TRAPPC9: variants seen among roughly 807,000 people sequenced by gnomAD.
TRAPPC9 encodes the protein IKK2 binding protein.
A neutral mutation model predicts 124.0 loss-of-function variants in TRAPPC9; 83 were observed. That is an observed-to-expected ratio of 0.67 (90% CI 0.56 to 0.80). The LOEUF is 0.80. Ranked by LOEUF, TRAPPC9 falls within the 30% of genes least tolerant of loss-of-function variation. TRAPPC9 has a pLI of 0.00. For missense variants in TRAPPC9, 1,302 were observed against 1,508.3 expected (o/e 0.86, Z 2.27); for synonymous variants, 638 against 617.5 (o/e 1.03, Z -0.49).
chr8:140,198,852 C>A (rs2062722194), intron 17 of TRAPPC9, among the ~76,000 whole-genome samples: 1 of 152,184 alleles, frequency 6.6e-6, no homozygotes. Context: ...AGAAGTTGGC[C>A]TAGCACCAAG....
In TRAPPC9 at chr8:140,063,752, G is replaced by A. The variant is rs367760485; in HGVS notation, c.2557-39673C>T. Among the ~76,000 whole-genome samples the A allele has an allele frequency of 5.9e-5, 9 of 152,258 alleles. No individual in the cohort carries two copies. Among genetic ancestry groups the A allele is most frequent in the East Asian group, 3.9e-4 (2 of 5,182 alleles). On this transcript the variant is annotated intron_variant, in intron 17 of 22. Transcript: ENST00000438773. This position sits in a 1 kb window ranked among gnomAD's most constrained non-coding sequence, Gnocchi z 4.3. Reference sequence around the variant, plus strand: ...AATTGCTCTGTGTTTCCTTAAGAGCGGGACTTGCGGGCGGGGTATGCATCA... The same window carrying A: ...AATTGCTCTGTGTTTCCTTAAGAGCAGGACTTGCGGGCGGGGTATGCATCA...
chr8:140,360,019 A>G (rs746729341), intron 9 of TRAPPC9, 31 bp downstream of exon 9: 2 of 1,612,528 alleles, frequency 1.2e-6, no homozygotes, highest in Non-Finnish European at 1.7e-6. Flanking sequence ...CAGTTCCTTG[A>G]AAAAAAACAT....
At chr8:140,393,961 C>A (rs1020389781) in intron 7 of TRAPPC9, among the ~76,000 whole-genome samples, 1 of 152,216 alleles carries the variant, frequency 6.6e-6, no homozygotes, top group Admixed American at 6.5e-5. Context: ...ACTGTCCCCG[C>A]CCGCCCAGCA....
chr8:140,408,364 G>A (rs2069572441), intron 5 of TRAPPC9, among the ~76,000 whole-genome samples: 1 of 152,156 alleles, frequency 6.6e-6, no homozygotes, highest in Non-Finnish European at 1.5e-5. Context: ...TCACTAAAGA[G>A]ATAGGTACTG....
chr8:140,379,611 G>A (rs1054206283), intron 7 of TRAPPC9, among the ~76,000 whole-genome samples: 1 of 152,084 alleles, frequency 6.6e-6, no homozygotes, highest in Non-Finnish European at 1.5e-5. Flanking sequence ...CCCATATATT[G>A]TTTGCCTTAT....
rs114829067 is a variant in TRAPPC9 at position 139,775,652 on chromosome 8, C to A, written c.3056-43450G>T. ...CCCCCATAGATATGGCCTGGCCTCA[C>A]CAGGTGTGAGCCCAGAGCCCAGGCT... On this transcript the variant is annotated intron_variant, in intron 21 of 22. Transcript: ENST00000438773. 9.9e-3 allele frequency among the ~76,000 whole-genome samples: 1,504 copies of A among 152,318 alleles called. 23 individuals are homozygous for A. The highest frequency in any genetic ancestry group is 0.034 in the African/African-American group (1,416 of 41,568).
intron 3 of TRAPPC9, among the ~76,000 whole-genome samples, chr8:140,435,605 C>T (rs1025387277): frequency 2.0e-5 from 3 of 152,198 alleles, no homozygotes; most frequent in Middle Eastern, 3.2e-3. Flanking sequence ...TGGCAGACTG[C>T]GCCAGGTTCT....
At chr8:139,808,324 G>A (rs967394241) in intron 21 of TRAPPC9, among the ~76,000 whole-genome samples, 1 of 152,164 alleles carries the variant, frequency 6.6e-6, no homozygotes. Flanking sequence ...AGCCGGGCGT[G>A]GTGGTGCACA....
intron 18 of TRAPPC9, among the ~76,000 whole-genome samples, chr8:140,022,286 C>A (rs774029014): frequency 1.3e-5 from 2 of 152,106 alleles, no homozygotes; most frequent in Non-Finnish European, 2.9e-5. Flanking sequence ...ACCACTTAGA[C>A]TTAGGAATAA....
chr8:140,102,677 CAGA>C (rs1423992766), intron 17 of TRAPPC9, among the ~76,000 whole-genome samples: 2 of 152,192 alleles, frequency 1.3e-5, no homozygotes, highest in African/African-American at 4.8e-5. Flanking sequence ...GAAGGGAAGA[CAGA>C]AGGAGAAGAG....
rs1408497750 is a variant in TRAPPC9, at chr8:140,241,918, G to A, written c.2431+10859C>T. Among the ~76,000 whole-genome samples, 3 of 152,126 alleles carry A rather than the reference G, an allele frequency of 2.0e-5. No individual in the cohort carries two copies. Among genetic ancestry groups the A allele is most frequent in the South Asian group, 4.1e-4 (2 of 4,826 alleles). ...CATACTGGGAAAGGAGAGAGCACAC[G>A]GCAGCTACGTGGGAGACTCAGGGAA... is the stretch of plus-strand genomic sequence containing the variant. On this transcript the variant is annotated intron_variant, in intron 16 of 22. Coordinates refer to ENST00000438773, the MANE Select transcript of TRAPPC9 (RefSeq NM_001160372.4). The surrounding 1 kb of genome is among the most constrained non-coding windows in gnomAD (Gnocchi z 5.0).
At chr8:140,352,254 G>A (rs552160421) in intron 9 of TRAPPC9, among the ~76,000 whole-genome samples, 1 of 152,196 alleles carries the variant, frequency 6.6e-6, no homozygotes, top group Non-Finnish European at 1.5e-5. Context: ...ACTTTAGATG[G>A]ATAAATTGTA....
At chr8:139,808,076 G>C (rs1286624370) in intron 21 of TRAPPC9, among the ~76,000 whole-genome samples, 2 of 152,252 alleles carry the variant, frequency 1.3e-5, no homozygotes, top group Non-Finnish European at 2.9e-5. Context: ...GAGGATCACA[G>C]AGGAGTGCAA....
chr8:139,781,025 A>G (rs982928566), intron 21 of TRAPPC9, among the ~76,000 whole-genome samples: 2 of 152,246 alleles, frequency 1.3e-5, no homozygotes, highest in Non-Finnish European at 2.9e-5. Context: ...AATGCTGACA[A>G]GGCTGTGCAG....
chr8:140,222,058 G>A (rs948102709), intron 16 of TRAPPC9, among the ~76,000 whole-genome samples: 6 of 152,192 alleles, frequency 3.9e-5, no homozygotes, highest in East Asian at 1.9e-4. Context: ...CCACCTGGAT[G>A]TGATGACCAA....
rs79877357 is a variant in TRAPPC9 at position 139,731,975 on chromosome 8, G to A, written c.3279+4C>T. ...CCCAGACCGCCTTGCACACCACCACGCACCGCGTCGAGGTAGAAGGTGCTG... is the reference window on the plus strand; with the variant it reads ...CCCAGACCGCCTTGCACACCACCACACACCGCGTCGAGGTAGAAGGTGCTG... On this transcript the variant is annotated splice_donor_region_variant and intron_variant, in intron 22 of 22. Coordinates refer to ENST00000438773, the MANE Select transcript of TRAPPC9 (RefSeq NM_001160372.4). 6,737 of 1,569,350 alleles carry A rather than the reference G, an allele frequency of 4.3e-3. 254 individuals are homozygous for A. In the African/African-American group the frequency reaches 0.079, roughly 18 times the overall value.
At chr8:139,996,880 C>T (rs1362381542) in intron 18 of TRAPPC9, among the ~76,000 whole-genome samples, 1 of 152,088 alleles carries the variant, frequency 6.6e-6, no homozygotes, top group African/African-American at 2.4e-5. Context: ...GCTGGCATTA[C>T]AGGCACACAC....
intron 20 of TRAPPC9, among the ~76,000 whole-genome samples, chr8:139,906,137 G>A (rs1344873141): frequency 6.6e-6 from 1 of 152,050 alleles, no homozygotes; most frequent in African/African-American, 2.4e-5. Flanking sequence ...AGAAAAAAGG[G>A]GTACCTAACC....
Position 140,439,116 on chromosome 8 carries a change from G to A in TRAPPC9, c.666C>T (p.Ser222=), listed in dbSNP as rs761386493. Residue 222 remains serine (S), a synonymous_variant, in exon 3 of 23, where the codon TCC becomes TCT. Transcript: ENST00000438773. ...LCLQAGMLQD[S]LVHYHMSVEL... is the part of the protein sequence containing the mutation. ...CCACCGACATGTGGTAATGCACCAGGGAGTCCTGCAGCATCCCTGCCTGCA... is the reference window on the plus strand; with the variant it reads ...CCACCGACATGTGGTAATGCACCAGAGAGTCCTGCAGCATCCCTGCCTGCA... 1 of 1,614,160 alleles carries A rather than the reference G, an allele frequency of 6.2e-7. No homozygotes were observed. Among genetic ancestry groups the A allele is most frequent in the Admixed American group, 1.7e-5 (1 of 60,020 alleles).
Sources: allele counts gnomAD v4.1 joint callset (sites outside exome capture counted in the v4.1 genomes callset), GRCh38; gene constraint gnomAD v4.1.1; non-coding constraint Gnocchi (gnomAD v3.1); transcripts MANE v1.5; gene names NCBI Gene and HGNC (gene_info 2026-07-23, HGNC 2026-07-21).